The following GPHN variants were observed in gnomAD, a reference collection of about 807,000 sequenced individuals.
GPHN encodes the protein gephyrin.
Under a neutral mutation model 95.5 loss-of-function variants are expected in GPHN, and 17 were observed. That is an observed-to-expected ratio of 0.18 (90% CI 0.12 to 0.27). GPHN has a LOEUF of 0.27. GPHN is among the 10% of genes least tolerant of loss of function. GPHN has a pLI of 1.00. For missense variants in GPHN, 660 were observed against 978.1 expected (o/e 0.67, Z 4.34); for synonymous variants, 320 against 322.5 (o/e 0.99, Z 0.08).
At chr14:67,535,184 C>T in the GPHN span, among the ~76,000 whole-genome samples, 1 of 152,136 alleles carries the variant, frequency 6.6e-6, no homozygotes, top group East Asian at 1.9e-4. Context: ...CTCTGAATAT[C>T]TCTGAGAGAA....
chr14:67,492,194 C>T, the GPHN span, among the ~76,000 whole-genome samples: 1 of 152,146 alleles, frequency 6.6e-6, no homozygotes, highest in Non-Finnish European at 1.5e-5. Flanking sequence ...TCTCTGGTCC[C>T]ACGTCTATTT....
chr14:67,181,460 T>C lies in GPHN; in HGVS notation c.*523T>C, dbSNP rs2083315879. 1.9e-6 allele frequency: 1 copy of C among 519,048 alleles called. No homozygotes were observed. Among genetic ancestry groups the C allele is most frequent in the South Asian group, 1.5e-5 (1 of 64,868 alleles). The allele number at this position is 519,048 out of a possible 1,614,324, so 32.2% of individuals were successfully genotyped here. On this transcript the variant is annotated 3_prime_UTR_variant, in exon 23 of 23. Coordinates refer to ENST00000478722, the MANE Select transcript of GPHN (RefSeq NM_020806.5). ...GACTGGGTGGAGGCTCTGCCTTGCC[T>C]CAAGAACCATCCCCTGCAGAGCATC... is the stretch of plus-strand genomic sequence containing the variant.
chr14:67,397,781 G>C, the GPHN span: 1 of 1,613,196 alleles, frequency 6.2e-7, no homozygotes, highest in Non-Finnish European at 8.5e-7. Context: ...AGCGTGTTCT[G>C]CCGAAGGATG....
At chr14:67,108,712 G>GTGT in intron 13 of GPHN, among the ~76,000 whole-genome samples, 1 of 131,142 alleles carries the variant, frequency 7.6e-6, no homozygotes, top group Non-Finnish European at 1.6e-5. Flanking sequence ...TTCCCTAAGG[G>GTGT]GTGTGTGTGT....
intron 4 of GPHN, among the ~76,000 whole-genome samples, chr14:66,850,035 A>AT (rs901024437): frequency 6.6e-5 from 10 of 152,094 alleles, no homozygotes; most frequent in South Asian, 4.1e-4. Context: ...CCTTTGTGAG[A>AT]TTTTTTCATG....
the GPHN span, among the ~76,000 whole-genome samples, chr14:67,304,484 A>G: frequency 6.6e-6 from 1 of 152,234 alleles, no homozygotes; most frequent in African/African-American, 2.4e-5. Flanking sequence ...GTACTGATAT[A>G]TGCTACAACA....
chr14:66,545,313 G>C (rs2059517240), intron 1 of GPHN, among the ~76,000 whole-genome samples: 1 of 143,410 alleles, frequency 7.0e-6, no homozygotes, highest in Non-Finnish European at 1.5e-5. Flanking sequence ...CTCCCAGACG[G>C]GGCGGCTGGC....
intron 2 of GPHN, chr14:66,760,531 C>T: frequency 3.7e-6 from 1 of 267,632 alleles, no homozygotes; most frequent in Non-Finnish European, 7.5e-6. Flanking sequence ...GCGGGTTCAA[C>T]ATGCATATCG....
chr14:66,759,853 A>G (rs866435808), intron 2 of GPHN, among the ~76,000 whole-genome samples: 1 of 152,234 alleles, frequency 6.6e-6, no homozygotes, highest in Non-Finnish European at 1.5e-5. Flanking sequence ...AATATGTAAT[A>G]TAACTAATTA....
chr14:67,413,916 C>T, the GPHN span, among the ~76,000 whole-genome samples: 1 of 152,168 alleles, frequency 6.6e-6, no homozygotes. Flanking sequence ...AAACTGAATC[C>T]AAGTAGTTAA....
At chr14:66,704,631 G>C (rs538612493) in intron 2 of GPHN, among the ~76,000 whole-genome samples, 1 of 152,114 alleles carries the variant, frequency 6.6e-6, no homozygotes, top group South Asian at 2.1e-4. Context: ...AAGACACAAC[G>C]TACCAGAAGC....
chr14:67,058,508 T>A, intron 10 of GPHN, 141 bp from the exon 11 acceptor site: 1 of 742,832 alleles, frequency 1.3e-6, no homozygotes, highest in Non-Finnish European at 2.4e-6. Flanking sequence ...GGCTGTATTT[T>A]GGAGGCAGGA....
At chr14:67,651,756 G>T in the GPHN span, 15 of 273,906 alleles carry the variant, frequency 5.5e-5, no homozygotes, top group Non-Finnish European at 4.2e-5. Flanking sequence ...TTTAAAAATA[G>T]CTTTTCTAGA....
At chr14:67,609,813 G>A in the GPHN span, among the ~76,000 whole-genome samples, 3 of 152,134 alleles carry the variant, frequency 2.0e-5, no homozygotes, top group Admixed American at 1.3e-4. Context: ...GTGGGGATCC[G>A]CTAGGGGCTG....
chr14:66,930,754 G>A (rs1030221514), intron 8 of GPHN, among the ~76,000 whole-genome samples: 1 of 151,918 alleles, frequency 6.6e-6, no homozygotes, highest in East Asian at 1.9e-4. Context: ...TCAAACTCCT[G>A]GGCTCAAGCG....
intron 1 of GPHN, among the ~76,000 whole-genome samples, chr14:66,616,827 T>A (rs1305273637): frequency 6.6e-6 from 1 of 152,018 alleles, no homozygotes; most frequent in African/African-American, 2.4e-5. Flanking sequence ...TCTGCCGCAG[T>A]CTCCCAAGTA....
At chr14:67,371,048 A>C in the GPHN span, among the ~76,000 whole-genome samples, 5,224 of 152,242 alleles carry the variant, frequency 0.034, 109 homozygotes, top group East Asian at 0.06. Flanking sequence ...ACTCTAGGCC[A>C]GATGGTTAAA....
At chr14:66,534,740 T>C (rs538115658) in intron 1 of GPHN, among the ~76,000 whole-genome samples, 2 of 152,318 alleles carry the variant, frequency 1.3e-5, no homozygotes, top group Admixed American at 1.3e-4. Flanking sequence ...TCAGTCATTC[T>C]GGTCAGTGTG....
chr14:66,690,261 A>G (rs765152851), intron 2 of GPHN, among the ~76,000 whole-genome samples: 71 of 151,994 alleles, frequency 4.7e-4, no homozygotes, highest in Non-Finnish European at 9.6e-4. Flanking sequence ...AAGAAATTTG[A>G]AATTTTTTTC....
Sources: allele counts gnomAD v4.1 joint callset (sites outside exome capture counted in the v4.1 genomes callset), GRCh38; gene constraint gnomAD v4.1.1; transcripts MANE v1.5; gene names NCBI Gene and HGNC (gene_info 2026-07-23, HGNC 2026-07-21).